The following ADK variants were observed in gnomAD, a reference collection of about 807,000 sequenced individuals.
The protein encoded by ADK is adenosine kinase, also known as N6,N6-dimethyladenosine kinase.
Under a neutral mutation model 44.7 loss-of-function variants are expected in ADK, and 24 were observed. That is an observed-to-expected ratio of 0.54 (90% CI 0.39 to 0.76). ADK has a LOEUF of 0.76. Among genes scored for constraint, ADK ranks in the 30% least tolerant of loss-of-function variants. The pLI is 0.00. For missense variants in ADK, 321 were observed against 425.1 expected (o/e 0.76, Z 2.15); for synonymous variants, 128 against 142.6 (o/e 0.90, Z 0.73).
chr10:74,167,551 AC>A (rs761542456), intron 1 of ADK, among the ~76,000 whole-genome samples: 4 of 152,072 alleles, frequency 2.6e-5, no homozygotes, highest in Admixed American at 6.6e-5. Flanking sequence ...GCTTGGCTCA[AC>A]TGGGCTTCTC....
At chr10:74,298,547 G>C (rs989765393) in intron 3 of ADK, among the ~76,000 whole-genome samples, 2 of 152,020 alleles carry the variant, frequency 1.3e-5, no homozygotes, top group Non-Finnish European at 2.9e-5. Flanking sequence ...GAGCCCAGGC[G>C]TTCAAGACCA....
At chr10:74,224,645 T>C in intron 3 of ADK, 54 bp downstream of exon 3, 3 of 1,355,842 alleles carry the variant, frequency 2.2e-6, no homozygotes, top group East Asian at 2.3e-5. Flanking sequence ...ATGAACTTGA[T>C]ATATGTATAT....
At chr10:74,392,985 T>A (rs1843389156) in intron 4 of ADK, among the ~76,000 whole-genome samples, 1 of 152,134 alleles carries the variant, frequency 6.6e-6, no homozygotes, top group Non-Finnish European at 1.5e-5. Flanking sequence ...TCTAGTTTAT[T>A]TCCAACATTT....
At chr10:74,292,704 C>T (rs115673418) in intron 3 of ADK, among the ~76,000 whole-genome samples, 1 of 152,038 alleles carries the variant, frequency 6.6e-6, no homozygotes, top group African/African-American at 2.4e-5. Context: ...ACATCTAATC[C>T]TTAAGGAAAT....
intron 3 of ADK, among the ~76,000 whole-genome samples, chr10:74,252,178 A>G (rs769250276): frequency 2.0e-5 from 3 of 152,132 alleles, no homozygotes; most frequent in African/African-American, 7.2e-5. Flanking sequence ...TCTTGGAATT[A>G]TTTGGGGCCT....
chr10:74,610,473 A>T (rs1393288311), intron 9 of ADK, among the ~76,000 whole-genome samples: 2 of 152,306 alleles, frequency 1.3e-5, no homozygotes, highest in Admixed American at 1.3e-4. Context: ...AGGATGAAAA[A>T]GTTGTAAAGA....
intron 6 of ADK, among the ~76,000 whole-genome samples, chr10:74,420,207 A>T (rs1394867874): frequency 1.3e-5 from 2 of 152,144 alleles, no homozygotes; most frequent in African/African-American, 4.8e-5. Context: ...GACTTAGCAC[A>T]CTATTAATTG....
At chr10:74,620,015 C>A (rs140879099) in intron 9 of ADK, among the ~76,000 whole-genome samples, 1 of 152,170 alleles carries the variant, frequency 6.6e-6, no homozygotes, top group Non-Finnish European at 1.5e-5. Context: ...AGCCACAACA[C>A]CCTGCCCATC....
intron 9 of ADK, among the ~76,000 whole-genome samples, chr10:74,647,366 G>A (rs78260409): frequency 6.6e-6 from 1 of 152,098 alleles, no homozygotes; most frequent in African/African-American, 2.4e-5. Context: ...TTCTGTATTT[G>A]GGGGATGCTA....
chr10:74,602,208 A>G (rs1233796756), intron 9 of ADK, among the ~76,000 whole-genome samples: 1 of 152,072 alleles, frequency 6.6e-6, no homozygotes, highest in Admixed American at 6.6e-5. Flanking sequence ...TGATGGCAAG[A>G]AGAACCACCT....
intron 1 of ADK, among the ~76,000 whole-genome samples, chr10:74,166,598 A>C (rs1842038979): frequency 6.6e-6 from 1 of 151,570 alleles, no homozygotes; most frequent in African/African-American, 2.4e-5. Context: ...GAGGTAGGAG[A>C]ATCGCTTGAA....
intron 4 of ADK, among the ~76,000 whole-genome samples, chr10:74,324,889 C>T (rs754996223): frequency 1.1e-4 from 17 of 152,122 alleles, no homozygotes; most frequent in African/African-American, 3.9e-4. Flanking sequence ...CTTAATATTT[C>T]GGGTACTATA....
intron 4 of ADK, among the ~76,000 whole-genome samples, chr10:74,319,894 C>T (rs2126769): frequency 0.64 from 97,942 of 151,972 alleles, 32,892 homozygotes; most frequent in Middle Eastern, 0.79. Flanking sequence ...TATATTATTA[C>T]GCTCATTGAT....
intron 9 of ADK, among the ~76,000 whole-genome samples, chr10:74,622,549 A>G (rs1853031596): frequency 6.6e-6 from 1 of 152,230 alleles, no homozygotes; most frequent in East Asian, 1.9e-4. Flanking sequence ...ATTAAATAGA[A>G]AAATACATAG....
chr10:74,272,839 TG>T (rs1846487201), intron 3 of ADK, among the ~76,000 whole-genome samples: 1 of 152,060 alleles, frequency 6.6e-6, no homozygotes, highest in African/African-American at 2.4e-5. Flanking sequence ...TTGCTCTGAG[TG>T]GGGGCTCCTT....
rs537307123 is a variant in ADK, at chr10:74,470,054, TTGCTG to T, written c.556-55199_556-55195del. ...TTTTTTTTTTTTTTGAGATGGAGTC[TTGCTG>T]TGTCACCCAGGCTGGAATGCAATGG... On this transcript the variant is annotated intron_variant, in intron 6 of 10. Coordinates refer to ENST00000539909, the MANE Select transcript of ADK (RefSeq NM_006721.4). Among the ~76,000 whole-genome samples the T allele has an allele frequency of 2.5e-3, 371 of 150,370 alleles. 3 individuals are homozygous for T. Among genetic ancestry groups the T allele is most frequent in the Non-Finnish European group, 4.2e-3 (282 of 67,580 alleles).
At position 74,486,832 on chromosome 10, in the gene ADK, C is replaced by T. The variant is rs1847283657; in HGVS notation, c.556-38424C>T. ...ATAATCCTGCTGGCACATGCTGTTCCCTTGATGAGGGGAATTTGTTATTAT... is the reference window on the plus strand; with the variant it reads ...ATAATCCTGCTGGCACATGCTGTTCTCTTGATGAGGGGAATTTGTTATTAT... On this transcript the variant is annotated intron_variant, in intron 6 of 10. Coordinates refer to ENST00000539909, the MANE Select transcript of ADK (RefSeq NM_006721.4). Among the ~76,000 whole-genome samples, 3 of 152,030 alleles carry T rather than the reference C, an allele frequency of 2.0e-5. No homozygotes were observed. In the South Asian group the frequency reaches 6.2e-4, roughly 32 times the overall value.
intron 1 of ADK, among the ~76,000 whole-genome samples, chr10:74,164,690 G>A (rs182139009): frequency 6.6e-6 from 1 of 152,192 alleles, no homozygotes; most frequent in East Asian, 1.9e-4. Flanking sequence ...TATACTCGTA[G>A]ATTCTTATCT....
intron 6 of ADK, among the ~76,000 whole-genome samples, chr10:74,444,452 A>G (rs1845527318): frequency 6.6e-6 from 1 of 152,108 alleles, no homozygotes; most frequent in Non-Finnish European, 1.5e-5. Flanking sequence ...TTCTTGAAAG[A>G]GTAAATATCT....
Sources: gnomAD v4.1 joint callset for allele counts (sites outside exome capture counted in the v4.1 genomes callset) on GRCh38, gnomAD v4.1.1 for gene constraint, MANE v1.5 for transcripts, NCBI Gene and HGNC (gene_info 2026-07-23, HGNC 2026-07-21) for gene names.